Variants in CWC27 observed in about 807,000 individuals in gnomAD.
CWC27 encodes spliceosome-associated protein CWC27 homolog.
A neutral mutation model predicts 63.6 loss-of-function variants in CWC27; 47 were observed. The observed-to-expected ratio is 0.74, with a 90% CI of 0.58 to 0.94. The LOEUF is 0.94. Ranked by LOEUF, CWC27 falls within the 40% of genes least tolerant of loss-of-function variation. CWC27 has a pLI of 0.00. For missense variants in CWC27, 495 were observed against 554.3 expected, an observed-to-expected ratio of 0.89 and a Z score of 1.07; for synonymous variants, 175 against 179.8, an observed-to-expected ratio of 0.97 and a Z score of 0.22.
intron 10 of CWC27, among the ~76,000 whole-genome samples, chr5:64,862,120 A>G (rs2112312425): frequency 6.6e-6 from 1 of 152,202 alleles, no homozygotes; most frequent in East Asian, 1.9e-4. Context: ...TAAGTCACAA[A>G]TGAATATATC....
At chr5:64,933,022 T>C (rs1748270712) in intron 11 of CWC27, among the ~76,000 whole-genome samples, 1 of 152,226 alleles carries the variant, frequency 6.6e-6, no homozygotes, top group African/African-American at 2.4e-5. Context: ...TCATCTATGA[T>C]TTTTCTCCAT....
At chr5:64,865,082 G>C (rs558219024) in intron 10 of CWC27, among the ~76,000 whole-genome samples, 1 of 151,492 alleles carries the variant, frequency 6.6e-6, no homozygotes, top group Non-Finnish European at 1.5e-5. Flanking sequence ...TGCATCAACT[G>C]TGTATCTGGT....
At chr5:64,955,478 C>G (rs1185648535) in intron 11 of CWC27, among the ~76,000 whole-genome samples, 1 of 152,134 alleles carries the variant, frequency 6.6e-6, no homozygotes, top group Non-Finnish European at 1.5e-5. Context: ...TAGCTGTATG[C>G]CAGAATCAGC....
At chr5:64,882,796 C>T (rs1489701567) in intron 10 of CWC27, among the ~76,000 whole-genome samples, 2 of 152,118 alleles carry the variant, frequency 1.3e-5, no homozygotes, top group African/African-American at 4.8e-5. Context: ...CGGAGTTTCA[C>T]CATGTTAGCC....
intron 13 of CWC27, among the ~76,000 whole-genome samples, chr5:64,994,762 A>G (rs935164878): frequency 3.9e-5 from 6 of 152,206 alleles, no homozygotes; most frequent in African/African-American, 1.4e-4. Context: ...CTGTACCAGC[A>G]ATGTATGAAA....
intron 13 of CWC27, among the ~76,000 whole-genome samples, chr5:64,983,536 CT>C (rs1485504502): frequency 2.6e-5 from 4 of 152,166 alleles, no homozygotes; most frequent in African/African-American, 9.7e-5. Context: ...AATGATGGTC[CT>C]TTTTTAATCA....
At chr5:64,932,376 T>C (rs565070623) in intron 11 of CWC27, among the ~76,000 whole-genome samples, 1 of 152,138 alleles carries the variant, frequency 6.6e-6, no homozygotes, top group Non-Finnish European at 1.5e-5. Context: ...TTTTAATTCT[T>C]AACTTGTAAA....
intron 10 of CWC27, chr5:64,807,991 A>C: frequency 7.2e-7 from 1 of 1,394,956 alleles, no homozygotes; most frequent in Non-Finnish European, 9.3e-7. Flanking sequence ...TTGATAATCG[A>C]CTGGCTACTT....
chr5:64,779,809 C>T (rs1351911216), intron 2 of CWC27, among the ~76,000 whole-genome samples: 1 of 152,112 alleles, frequency 6.6e-6, no homozygotes, highest in Non-Finnish European at 1.5e-5. Flanking sequence ...GGCATTTTCT[C>T]CCTTACTGTT....
intron 11 of CWC27, among the ~76,000 whole-genome samples, chr5:64,902,480 T>G (rs1018680639): frequency 1.3e-5 from 2 of 152,156 alleles, no homozygotes; most frequent in African/African-American, 4.8e-5. Flanking sequence ...GAAAAGACAA[T>G]CCTTTCCCTA....
At chr5:64,927,946 G>A (rs1216688028) in intron 11 of CWC27, among the ~76,000 whole-genome samples, 1 of 152,130 alleles carries the variant, frequency 6.6e-6, no homozygotes, top group African/African-American at 2.4e-5. Flanking sequence ...CCTGAGGTCA[G>A]GAGTTCGAGA....
intron 11 of CWC27, among the ~76,000 whole-genome samples, chr5:64,968,568 G>T (rs1401016144): frequency 6.6e-6 from 1 of 152,088 alleles, no homozygotes; most frequent in Non-Finnish European, 1.5e-5. Flanking sequence ...AACAATAGTT[G>T]CTCACCAAAA....
intron 9 of CWC27, among the ~76,000 whole-genome samples, chr5:64,803,545 AT>A (rs1025489808): frequency 1.3e-5 from 2 of 152,224 alleles, no homozygotes; most frequent in Non-Finnish European, 2.9e-5. Context: ...TGGTTCTACC[AT>A]TTTAATAGGT....
chr5:64,882,769 A>AT (rs1000440812), intron 10 of CWC27, among the ~76,000 whole-genome samples: 28 of 151,440 alleles, frequency 1.8e-4, no homozygotes, highest in African/African-American at 6.3e-4. Flanking sequence ...AATGTTTTGT[A>AT]TTTTTTTTAG....
chr5:64,968,301 C>T (rs1019770527), intron 11 of CWC27, among the ~76,000 whole-genome samples: 2 of 152,050 alleles, frequency 1.3e-5, no homozygotes, highest in Non-Finnish European at 1.5e-5. Flanking sequence ...CAAAATGGTG[C>T]GACCATTTGT....
At chr5:64,849,539 C>A (rs1329182340) in intron 10 of CWC27, among the ~76,000 whole-genome samples, 1 of 151,954 alleles carries the variant, frequency 6.6e-6, no homozygotes, top group Non-Finnish European at 1.5e-5. Context: ...GTGCTGTTCT[C>A]GTGAAAGAGT....
At chr5:64,804,135 G>A in intron 9 of CWC27, 94 bp from the exon 10 acceptor site, 1 of 1,078,624 alleles carries the variant, frequency 9.3e-7, no homozygotes, top group Non-Finnish European at 1.3e-6. Context: ...ACCTAGTTTA[G>A]AATGCAATAA....
chr5:64,942,001 A>G lies in CWC27; in HGVS notation c.1043-29702A>G, dbSNP rs115450345. Among the ~76,000 whole-genome samples, 1,291 of 152,186 alleles carry G rather than the reference A, an allele frequency of 8.5e-3. 19 individuals are homozygous for G. Among genetic ancestry groups the G allele is most frequent in the Middle Eastern group, 0.031 (9 of 294 alleles). On this transcript the variant is annotated intron_variant, in intron 11 of 13. Coordinates refer to ENST00000381070, the MANE Select transcript of CWC27 (RefSeq NM_005869.4). ...GACAGGCAGTCAGCAAATTATAACT[A>G]TTTTGCAGATTATCAAAGCAGTTAT... is the stretch of plus-strand genomic sequence containing the variant.
intron 2 of CWC27, among the ~76,000 whole-genome samples, chr5:64,777,724 T>A (rs1580581615): frequency 6.6e-6 from 1 of 152,182 alleles, no homozygotes; most frequent in Non-Finnish European, 1.5e-5. Context: ...TTCAAAACAC[T>A]TGTGATGATG....
Sources: gnomAD v4.1 joint callset for allele counts (sites outside exome capture counted in the v4.1 genomes callset) on GRCh38, gnomAD v4.1.1 for gene constraint, MANE v1.5 for transcripts, NCBI Gene and HGNC (gene_info 2026-07-23, HGNC 2026-07-21) for gene names.